Variants in KALRN observed in about 807,000 individuals in gnomAD.
The protein encoded by KALRN is kalirin RhoGEF kinase.
Under a neutral mutation model 353.7 loss-of-function variants are expected in KALRN, and 70 were observed. The ratio of observed to expected loss-of-function variants is 0.20; its 90% confidence interval spans 0.16 to 0.24. The LOEUF (loss-of-function observed/expected upper bound fraction) is 0.24, where lower values mean the gene tolerates loss of function less well. Ranked by LOEUF, KALRN falls within the 10% of genes least tolerant of loss-of-function variation. The pLI, the probability that KALRN is intolerant of heterozygous loss-of-function variation, is 1.00. For missense variants in KALRN, 2,791 were observed against 3,756.7 expected (o/e 0.74, Z 6.72); for synonymous variants, 1,391 against 1,434.8 (o/e 0.97, Z 0.69).
chr3:124,182,085 A>T (rs1195996417), intron 1 of KALRN, among the ~76,000 whole-genome samples: 1 of 152,260 alleles, frequency 6.6e-6, no homozygotes, highest in African/African-American at 2.4e-5. Flanking sequence ...ACAAACGTGG[A>T]TGCTGGAAGA....
At chr3:124,193,492 C>T (rs2075135231) in intron 1 of KALRN, among the ~76,000 whole-genome samples, 1 of 151,268 alleles carries the variant, frequency 6.6e-6, no homozygotes. Flanking sequence ...TGGGTGGACC[C>T]TGAAAGATGT....
intron 34 of KALRN, among the ~76,000 whole-genome samples, chr3:124,609,887 G>A (rs113234460): frequency 8.5e-5 from 13 of 152,248 alleles, no homozygotes; most frequent in African/African-American, 2.9e-4. Context: ...AAGGTAAAGA[G>A]GTAGAACTGG....
rs182493154 is a variant in KALRN at position 124,338,335 on chromosome 3, G to A, written c.1647+3840G>A. 1.4e-3 allele frequency among the ~76,000 whole-genome samples: 209 copies of A among 152,262 alleles called. 1 individual carries two copies. Among genetic ancestry groups the A allele is most frequent in the Non-Finnish European group, 2.5e-3 (172 of 68,020 alleles). ...TGTCCCAGAGATTCTGGTACGTTGT[G>A]TCTTTGTTCTCATTGGTGTCAAAGA... On this transcript the variant is annotated intron_variant, in intron 9 of 59. Coordinates refer to ENST00000682506, the MANE Select transcript of KALRN (RefSeq NM_001388419.1).
At chr3:124,097,644 T>C (rs1048274792) in intron 1 of KALRN, among the ~76,000 whole-genome samples, 6 of 152,220 alleles carry the variant, frequency 3.9e-5, no homozygotes, top group Non-Finnish European at 1.5e-5. Flanking sequence ...ATCATGGAGC[T>C]GAAATAAACT....
At chr3:124,204,664 G>A (rs1252951067) in intron 1 of KALRN, among the ~76,000 whole-genome samples, 2 of 150,306 alleles carry the variant, frequency 1.3e-5, no homozygotes, top group Admixed American at 6.7e-5. Flanking sequence ...TTCAGCTTTG[G>A]ATTATCTGTG....
intron 11 of KALRN, among the ~76,000 whole-genome samples, chr3:124,390,475 A>C (rs1423645128): frequency 1.3e-5 from 2 of 152,172 alleles, no homozygotes; most frequent in Non-Finnish European, 2.9e-5. Context: ...CTATCCGCCA[A>C]CTCTGGAACC....
At chr3:124,602,658 G>T (rs927843204) in intron 34 of KALRN, among the ~76,000 whole-genome samples, 20 of 152,182 alleles carry the variant, frequency 1.3e-4, no homozygotes, top group Non-Finnish European at 4.4e-5. Context: ...GGTCTTAAAG[G>T]GTCAGGAGGG....
At chr3:124,595,524 C>T (rs1401267971) in intron 34 of KALRN, among the ~76,000 whole-genome samples, 1 of 152,086 alleles carries the variant, frequency 6.6e-6, no homozygotes, top group East Asian at 1.9e-4. Flanking sequence ...AATAATCTCC[C>T]TATTTTAGGT....
chr3:124,512,128 G>T (rs2065975810), intron 33 of KALRN, among the ~76,000 whole-genome samples: 1 of 152,234 alleles, frequency 6.6e-6, no homozygotes, highest in South Asian at 2.1e-4. Flanking sequence ...GTTCCTCAGT[G>T]TGTTTCCCAT....
intron 34 of KALRN, among the ~76,000 whole-genome samples, chr3:124,607,127 A>T (rs990761044): frequency 1.3e-5 from 2 of 152,242 alleles, no homozygotes; most frequent in Non-Finnish European, 2.9e-5. Context: ...TAATTTTTGT[A>T]ATAGCGAACA....
intron 15 of KALRN, among the ~76,000 whole-genome samples, chr3:124,429,886 C>T (rs1191291968): frequency 6.6e-6 from 1 of 152,126 alleles, no homozygotes; most frequent in African/African-American, 2.4e-5. Context: ...TTTCTCTTTT[C>T]TCCTTTTTTG....
intron 47 of KALRN, 117 bp downstream of exon 47, chr3:124,667,300 C>A (rs2085763127): frequency 2.3e-6 from 2 of 863,622 alleles, no homozygotes; most frequent in South Asian, 2.4e-5. Context: ...TATAGGTACT[C>A]CAACTTTGTA....
intron 1 of KALRN, among the ~76,000 whole-genome samples, chr3:124,112,019 C>T (rs1042583122): frequency 6.6e-6 from 1 of 151,900 alleles, no homozygotes; most frequent in Non-Finnish European, 1.5e-5. Flanking sequence ...GCTTAAGAAT[C>T]CTGGCCGGGC....
intron 1 of KALRN, among the ~76,000 whole-genome samples, chr3:124,217,539 A>G (rs13319596): frequency 0.067 from 10,205 of 152,192 alleles, 315 homozygotes; most frequent in East Asian, 0.095. Flanking sequence ...AACAATACCA[A>G]AAAAACCTCT....
At chr3:124,188,503 C>G (rs1402628250) in intron 1 of KALRN, among the ~76,000 whole-genome samples, 1 of 152,110 alleles carries the variant, frequency 6.6e-6, no homozygotes, top group African/African-American at 2.4e-5. Flanking sequence ...TGTCTAGCAC[C>G]CAGATTACTC....
chr3:124,280,114 T>C (rs2149031480), intron 5 of KALRN, among the ~76,000 whole-genome samples: 1 of 152,302 alleles, frequency 6.6e-6, no homozygotes, highest in African/African-American at 2.4e-5. Flanking sequence ...TGGCAAATGG[T>C]TCAGGTCTTG....
intron 6 of KALRN, among the ~76,000 whole-genome samples, chr3:124,314,597 T>A (rs544264152): frequency 6.6e-6 from 1 of 152,186 alleles, no homozygotes; most frequent in African/African-American, 2.4e-5. Context: ...CAGCATCTGC[T>A]TCTGGTGAGG....
At chr3:124,208,144 G>A (rs1028894237) in intron 1 of KALRN, among the ~76,000 whole-genome samples, 3 of 152,184 alleles carry the variant, frequency 2.0e-5, no homozygotes, top group South Asian at 2.1e-4. Flanking sequence ...GAGGACCTGC[G>A]CTTTCTCCTG....
Position 124,384,829 on chromosome 3 carries a change from C to T in KALRN, c.1771-16C>T, listed in dbSNP as rs751013084. ...GCGACTGCAACTTGACTTTGCCTCA[C>T]TGTTGTTGCTGGCAGAATACGTACA... On this transcript the variant is annotated splice_polypyrimidine_tract_variant and intron_variant, in intron 10 of 59. Transcript: ENST00000682506. The T allele has an allele frequency of 6.4e-7, 1 of 1,564,676 alleles. No individual in the cohort carries two copies. The highest frequency in any genetic ancestry group is 8.7e-7 in the Non-Finnish European group (1 of 1,148,986).
Sources: allele counts gnomAD v4.1 joint callset (sites outside exome capture counted in the v4.1 genomes callset), GRCh38; gene constraint gnomAD v4.1.1; transcripts MANE v1.5; gene names NCBI Gene and HGNC (gene_info 2026-07-23, HGNC 2026-07-21).